Variants in GSN observed in about 807,000 individuals in gnomAD.
The protein encoded by GSN is gelsolin.
Under a neutral mutation model 85.7 loss-of-function variants are expected in GSN, and 56 were observed. The observed-to-expected ratio is 0.65, with a 90% CI of 0.53 to 0.82. GSN has a LOEUF of 0.82. GSN is among the 40% of genes least tolerant of loss of function. The probability of loss-of-function intolerance (pLI) is 0.00; values close to 1 mark genes in which losing one functional copy is unlikely to be tolerated. For missense variants in GSN, 857 were observed against 979.8 expected (o/e 0.87, Z 1.67); for synonymous variants, 373 against 399.1 (o/e 0.93, Z 0.78).
At chr9:121,326,766 C>T (rs748767820) in intron 13 of GSN, 84 bp downstream of exon 13, 7 of 1,192,578 alleles carry the variant, frequency 5.9e-6, no homozygotes, top group Admixed American at 5.0e-5. Context: ...GGCACAGGAA[C>T]GGGGGCAGGG....
At chr9:121,284,375 A>G (rs922945837) in intron 2 of GSN, 2 of 166,664 alleles carry the variant, frequency 1.2e-5, no homozygotes, top group Admixed American at 6.6e-5. Flanking sequence ...AGCTCTTTGC[A>G]TTTTTTAGTT....
chr9:121,251,427 C>T (rs189693747), intron 6 of GSN, among the ~76,000 whole-genome samples: 3 of 151,622 alleles, frequency 2.0e-5, no homozygotes, highest in African/African-American at 7.3e-5. Context: ...GAACTCCTGG[C>T]CTCAAGTGAT....
chr9:121,218,693 G>A (rs1477775993), intron 4 of GSN, among the ~76,000 whole-genome samples: 2 of 152,166 alleles, frequency 1.3e-5, no homozygotes, highest in Non-Finnish European at 2.9e-5. Context: ...AAAGACCATT[G>A]GTTACAGGAG....
chr9:121,300,264 C>T, intron 2 of GSN: 1 of 647,070 alleles, frequency 1.5e-6, no homozygotes, highest in Non-Finnish European at 2.8e-6. Flanking sequence ...AACATCTTAC[C>T]TCCTGTCTCC....
intron 3 of GSN, among the ~76,000 whole-genome samples, chr9:121,302,654 C>T (rs956001565): frequency 6.6e-6 from 1 of 152,098 alleles, no homozygotes; most frequent in African/African-American, 2.4e-5. Flanking sequence ...TCTGATGCTC[C>T]CAGTCCTGAG....
At chr9:121,262,239 A>G (rs769772713) in intron 6 of GSN, among the ~76,000 whole-genome samples, 5 of 152,114 alleles carry the variant, frequency 3.3e-5, no homozygotes, top group African/African-American at 4.8e-5. Flanking sequence ...GCCTTCTTTC[A>G]CTCTGGCTAT....
chr9:121,250,877 GT>G (rs2054813532), intron 6 of GSN, among the ~76,000 whole-genome samples: 2 of 98,750 alleles, frequency 2.0e-5, no homozygotes, highest in African/African-American at 6.1e-5. Flanking sequence ...CTTGGGGTGT[GT>G]GTGTGTGTGT....
chr9:121,298,955 A>G (rs1206263055), intron 2 of GSN, among the ~76,000 whole-genome samples: 1 of 152,144 alleles, frequency 6.6e-6, no homozygotes, highest in Non-Finnish European at 1.5e-5. Context: ...CCCCCAGGGG[A>G]GTCAATGAAT....
intron 4 of GSN, among the ~76,000 whole-genome samples, chr9:121,303,674 C>T (rs999675471): frequency 8.5e-5 from 13 of 152,172 alleles, no homozygotes; most frequent in Non-Finnish European, 4.4e-5. Context: ...CTTGAGCCTC[C>T]CTTTCCTCTC....
intron 6 of GSN, among the ~76,000 whole-genome samples, chr9:121,256,675 C>T (rs1001021873): frequency 4.0e-5 from 6 of 151,872 alleles, no homozygotes; most frequent in Admixed American, 2.0e-4. Context: ...GTCAGGAGTT[C>T]GAGACCAGTC....
chr9:121,222,108 G>C (rs2054181769), intron 4 of GSN: 1 of 151,820 alleles, frequency 6.6e-6, no homozygotes, highest in African/African-American at 2.4e-5. Context: ...TTTTTAAGTT[G>C]CTATAAAACA....
chr9:121,287,394 G>T (rs1256013907), intron 2 of GSN, among the ~76,000 whole-genome samples: 1 of 152,164 alleles, frequency 6.6e-6, no homozygotes, highest in Non-Finnish European at 1.5e-5. Flanking sequence ...AAAGGAAGAT[G>T]TGGGCCCAGT....
intron 4 of GSN, among the ~76,000 whole-genome samples, chr9:121,307,707 A>G (rs2060566639): frequency 6.6e-6 from 1 of 152,240 alleles, no homozygotes; most frequent in South Asian, 2.1e-4. Flanking sequence ...AAAGCTCGGT[A>G]AGTGGCAGCC....
At chr9:121,207,355 G>A (rs1245000369), upstream of GSN, among the ~76,000 whole-genome samples, 2 of 152,174 alleles carry the variant, frequency 1.3e-5, no homozygotes, top group Admixed American at 1.3e-4. Flanking sequence ...AGACCCATGG[G>A]CAGTGATATG....
chr9:121,294,379 C>T lies in GSN; in HGVS notation c.-9-7584C>T, dbSNP rs1001179657. 2.6e-5 allele frequency among the ~76,000 whole-genome samples: 4 copies of T among 152,186 alleles called. No individual in the cohort carries two copies. The South Asian group carries it at 6.2e-4, about 24-fold the overall frequency. On this transcript the variant is annotated intron_variant, in intron 2 of 17. Coordinates refer to ENST00000432226, the MANE Select transcript of GSN (RefSeq NM_198252.3). ...ACACCTCTCAGGGCCATTTCCTCCCCGAGAGAAGGGGAGACAGACTGCTGA... is the reference window on the plus strand; with the variant it reads ...ACACCTCTCAGGGCCATTTCCTCCCTGAGAGAAGGGGAGACAGACTGCTGA...
At chr9:121,256,354 A>G (rs1244621227) in intron 6 of GSN, among the ~76,000 whole-genome samples, 1 of 152,222 alleles carries the variant, frequency 6.6e-6, no homozygotes, top group African/African-American at 2.4e-5. Flanking sequence ...GCCATTAAAA[A>G]GAATGAAATT....
rs1589250323 is a variant in GSN at position 121,329,589 on chromosome 9, C to T, written c.1965+274C>T. Among the ~76,000 whole-genome samples the T allele has an allele frequency of 6.6e-6, 1 of 152,212 alleles. No homozygotes were observed. The highest frequency in any genetic ancestry group is 1.5e-5 in the Non-Finnish European group (1 of 68,040). ...AATCACATGACCTTCATCATTCTCT[C>T]CCAGACCTTGCAGGAGCGTGAACTC... On this transcript the variant is annotated intron_variant, in intron 16 of 17. Transcript: ENST00000432226. The surrounding 1 kb of genome is among the most constrained non-coding windows in gnomAD (Gnocchi z 4.6).
rs56834014 is a variant in GSN, at chr9:121,283,301, CTT to C, written c.-10+1753_-10+1754del. 563 of 140,638 alleles carry C rather than the reference CTT, an allele frequency of 4.0e-3. 1 individual carries two copies. Among genetic ancestry groups the C allele is most frequent in the East Asian group, 1.3e-3 (6 of 4,692 alleles). The allele number at this position is 140,638 out of a possible 1,614,324, so 8.7% of individuals were successfully genotyped here. ...TCTTTTTCTTTCTTTCTTTCTTTTT[CTT>C]TTTTTTTTTTTTTAGACGGAGTCTT... On this transcript the variant is annotated intron_variant, in intron 2 of 17. Coordinates refer to ENST00000432226, the MANE Select transcript of GSN (RefSeq NM_198252.3).
intron 1 of GSN, among the ~76,000 whole-genome samples, chr9:121,270,502 G>A (rs1315284163): frequency 2.0e-5 from 3 of 152,214 alleles, no homozygotes; most frequent in Admixed American, 2.0e-4. Flanking sequence ...CCAGCTGAAG[G>A]TCTCAGAACC....
Sources: gnomAD v4.1 joint callset for allele counts (sites outside exome capture counted in the v4.1 genomes callset) on GRCh38, gnomAD v4.1.1 for gene constraint, Gnocchi (gnomAD v3.1) non-coding constraint, MANE v1.5 for transcripts, NCBI Gene and HGNC (gene_info 2026-07-23, HGNC 2026-07-21) for gene names.